The following FANCB variants were observed in gnomAD, a reference collection of about 807,000 sequenced individuals.
FANCB encodes FA complementation group B.
In FANCB, 5 loss-of-function variants were observed where a neutral mutation model predicts 38.9. The observed-to-expected ratio is 0.13, with a 90% CI of 0.07 to 0.27. FANCB has a LOEUF of 0.27. FANCB is among the 10% of genes least tolerant of loss of function. The pLI is 1.00. For synonymous variants in FANCB, 236 were observed against 215.4 expected (o/e 1.10, Z -0.84); for missense variants, 573 against 602.7 (o/e 0.95, Z 0.52).
Position 14,864,746 on chromosome X carries a change from A to G in FANCB, c.765T>C (p.Ser255=). Residue 255 remains serine (S), a synonymous_variant, in exon 3 of 10, where the codon TCT becomes TCC. Coordinates refer to ENST00000650831, the MANE Select transcript of FANCB (RefSeq NM_001018113.3). ...TEIIKNQLRI[S]LIALTRKNQL... ...GATTCTTTCGAGTAAGGGCAATGAGAGATATTCTTAACTGGTTTTTGATGA... is the reference window on the plus strand; with the variant it reads ...GATTCTTTCGAGTAAGGGCAATGAGGGATATTCTTAACTGGTTTTTGATGA... 8.3e-7 allele frequency: 1 copy of G among 1,211,624 alleles called. No homozygotes were observed. The highest frequency in any genetic ancestry group is 1.1e-6 in the Non-Finnish European group (1 of 895,222).
At chrX:14,850,440 A>G in intron 7 of FANCB, 65 bp downstream of exon 7, 1 of 889,537 alleles carries the variant, frequency 1.1e-6, no homozygotes, top group South Asian at 2.0e-5. Context: ...GGCTTACATT[A>G]ATTTCTATTG....
the FANCB span, among the ~76,000 whole-genome samples, chrX:14,703,450 A>T: frequency 8.9e-6 from 1 of 111,920 alleles, no homozygotes; most frequent in Non-Finnish European, 1.9e-5. Context: ...TCCATTTCTA[A>T]GAGTCATGTG....
the FANCB span, among the ~76,000 whole-genome samples, chrX:14,820,600 C>T: frequency 1.8e-5 from 2 of 111,194 alleles, no homozygotes; most frequent in African/African-American, 3.3e-5. Context: ...AATTTAATAT[C>T]AAAAGTAACT....
At chrX:14,729,023 C>A in the FANCB span, among the ~76,000 whole-genome samples, 2 of 112,376 alleles carry the variant, frequency 1.8e-5, no homozygotes. Context: ...TTTAAGTACA[C>A]AAGGTACAAA....
At chrX:14,803,690 A>G in the FANCB span, among the ~76,000 whole-genome samples, 1 of 111,674 alleles carries the variant, frequency 9.0e-6, no homozygotes, top group African/African-American at 3.3e-5. Flanking sequence ...ACTCCTGCCA[A>G]CTTTTTTCTT....
chrX:14,803,285 G>A, the FANCB span, among the ~76,000 whole-genome samples: 1 of 111,858 alleles, frequency 8.9e-6, no homozygotes, highest in Non-Finnish European at 1.9e-5. Context: ...AAAAAGAACT[G>A]GTTATGAACA....
the FANCB span, among the ~76,000 whole-genome samples, chrX:14,722,781 G>A: frequency 9.0e-6 from 1 of 111,069 alleles, no homozygotes. Context: ...AATGAGTGTA[G>A]GGGATCCCAC....
At chrX:14,760,361 A>C in the FANCB span, among the ~76,000 whole-genome samples, 7 of 111,780 alleles carry the variant, frequency 6.3e-5, no homozygotes, top group African/African-American at 2.3e-4. Context: ...GATCTCATAG[A>C]AGTAGAGAGT....
At chrX:14,822,982 T>C in the FANCB span, among the ~76,000 whole-genome samples, 48 of 110,985 alleles carry the variant, frequency 4.3e-4, no homozygotes, top group African/African-American at 1.5e-3. Context: ...GTTTCAGACA[T>C]ATAGCCTGAA....
chrX:14,771,139 T>C, the FANCB span, among the ~76,000 whole-genome samples: 1 of 111,312 alleles, frequency 9.0e-6, no homozygotes, highest in East Asian at 2.8e-4. Context: ...TGGAGTATCT[T>C]AGTGGGGTTC....
chrX:14,758,531 C>G, the FANCB span, among the ~76,000 whole-genome samples: 3 of 112,277 alleles, frequency 2.7e-5, no homozygotes, highest in African/African-American at 9.7e-5. Flanking sequence ...GACCTAAAGA[C>G]AGTTCACATC....
chrX:14,696,908 C>T, the FANCB span, among the ~76,000 whole-genome samples: 1 of 111,676 alleles, frequency 9.0e-6, no homozygotes, highest in Admixed American at 9.5e-5. Context: ...TGTTTTATTA[C>T]CAAAGTTAAG....
At chrX:14,807,767 G>T in the FANCB span, among the ~76,000 whole-genome samples, 1 of 110,888 alleles carries the variant, frequency 9.0e-6, no homozygotes, top group African/African-American at 3.3e-5. Flanking sequence ...AAAGATCAAT[G>T]AATCAAAAAG....
rs373632536 is a variant in FANCB at position 14,845,231 on chromosome X, A to T, written c.1552T>A (p.Phe518Ile). 3 of 1,208,191 alleles carry T rather than the reference A, an allele frequency of 2.5e-6. No individual in the cohort carries two copies. Among genetic ancestry groups the T allele is most frequent in the African/African-American group, 3.5e-5 (2 of 57,061 alleles). ...LLMDQAHDSR[F>I]RLLKCQNRVI... ...CTATTTTGACACTTTAGAAGCCGAAATCTGGAGTCATGGGCTTGATCCATT... is the reference window on the plus strand; with the variant it reads ...CTATTTTGACACTTTAGAAGCCGAATTCTGGAGTCATGGGCTTGATCCATT... The change falls in exon 8 of 10, where the codon TTT (phenylalanine) becomes ATT (isoleucine). Residue 518 changes from phenylalanine to isoleucine, a missense_variant. Physicochemically the swap from Phe to Ile is conservative, Grantham distance 21. Transcript: ENST00000650831.
At chrX:14,700,867 A>T in the FANCB span, among the ~76,000 whole-genome samples, 1 of 109,992 alleles carries the variant, frequency 9.1e-6, no homozygotes, top group African/African-American at 3.3e-5. Context: ...AGAGTTGTTT[A>T]TAGAGAGAAT....
the FANCB span, among the ~76,000 whole-genome samples, chrX:14,757,221 T>G: frequency 8.9e-6 from 1 of 112,188 alleles, no homozygotes; most frequent in Non-Finnish European, 1.9e-5. Context: ...TGGATCTACA[T>G]CCCACGGAAT....
Position 14,865,321 on chromosome X carries a change from A to G in FANCB, c.190T>C (p.Phe64Leu). The G allele has an allele frequency of 8.5e-7, 1 of 1,173,893 alleles. No individual in the cohort carries two copies. Among genetic ancestry groups the G allele is most frequent in the Non-Finnish European group, 1.1e-6 (1 of 878,792 alleles). ...GAGTTTTCTTCCTTTATGGTAAAAA[A>G]TCCAGTGGACTTCTGAACAAATACT... ...TKVFVQKSTGFFTIKEENSHL... is the reference protein window; with the variant it reads ...TKVFVQKSTGLFTIKEENSHL... Residue 64 changes from phenylalanine to leucine, a missense_variant, in exon 3 of 10, where the codon TTT becomes CTT. By Grantham distance (22) the Phe-to-Leu change is conservative (BLOSUM62 0). Coordinates refer to ENST00000650831, the MANE Select transcript of FANCB (RefSeq NM_001018113.3).
the FANCB span, among the ~76,000 whole-genome samples, chrX:14,791,386 G>A: frequency 9.0e-6 from 1 of 111,580 alleles, no homozygotes; most frequent in South Asian, 3.7e-4. Context: ...TGGGAGAGAG[G>A]ACTAGAACAG....
the FANCB span, among the ~76,000 whole-genome samples, chrX:14,751,561 C>T: frequency 4.5e-5 from 5 of 111,720 alleles, no homozygotes; most frequent in East Asian, 1.4e-3. Flanking sequence ...GTGTTAATTA[C>T]TGGGTACACT....
Sources: allele counts gnomAD v4.1 joint callset (sites outside exome capture counted in the v4.1 genomes callset), GRCh38; gene constraint gnomAD v4.1.1; transcripts MANE v1.5; gene names NCBI Gene and HGNC (gene_info 2026-07-23, HGNC 2026-07-21).